The following SWAP70 variants were observed in gnomAD, a reference collection of about 807,000 sequenced individuals.
SWAP70 encodes switching B cell complex subunit SWAP70.
A neutral mutation model predicts 80.2 loss-of-function variants in SWAP70; 34 were observed. The observed-to-expected ratio is 0.42, with a 90% CI of 0.32 to 0.56. SWAP70 has a LOEUF of 0.56. SWAP70 is among the 20% of genes least tolerant of loss of function. SWAP70 has a pLI of 0.09. For synonymous variants in SWAP70, 239 were observed against 238.5 expected, an observed-to-expected ratio of 1.00 and a Z score of -0.02; for missense variants, 578 against 690.7, an observed-to-expected ratio of 0.84 and a Z score of 1.83.
chr11:9,703,383 C>G lies in SWAP70; in HGVS notation c.240+9097C>G, dbSNP rs111702609. ...TTTAGTGCAATCACGTTGGCCTTCT[C>G]TCTGTTCCCCAGATTACCAAGACCC... On this transcript the variant is annotated intron_variant, in intron 2 of 11. Transcript: ENST00000318950. 2,206 of 456,280 alleles carry G rather than the reference C, an allele frequency of 4.8e-3. 42 individuals are homozygous for G. Among genetic ancestry groups the G allele is most frequent in the African/African-American group, 0.04 (2,019 of 50,194 alleles). The allele number at this position is 456,280 out of a possible 1,614,324, so 28.3% of individuals were successfully genotyped here. A position where few individuals can be genotyped will look rare whatever the true frequency, so the allele number is the denominator to read the frequency against.
chr11:9,716,375 C>T (rs1401262411), intron 3 of SWAP70, among the ~76,000 whole-genome samples: 1 of 152,154 alleles, frequency 6.6e-6, no homozygotes, highest in Non-Finnish European at 1.5e-5. Flanking sequence ...GAAGCAGAGA[C>T]AAGTTTCAGG....
chr11:9,729,321 C>A, intron 5 of SWAP70, 22 bp from the exon 6 acceptor site: 3 of 1,479,858 alleles, frequency 2.0e-6, no homozygotes, highest in South Asian at 2.4e-5. Flanking sequence ...TTTTGAGGAA[C>A]TAATTTTGCT....
chr11:9,671,783 T>TAA lies in SWAP70; in HGVS notation c.99+7505_99+7506insAA, dbSNP rs1161349753. Reference sequence around the variant, plus strand: ...AAATATATAATATAAATATAATATATTATTATTTATAAATATATATAAATA... The same window carrying TAA: ...AAATATATAATATAAATATAATATATAATATTATTTATAAATATATATAAATA... On this transcript the variant is annotated intron_variant, in intron 1 of 11. Coordinates refer to ENST00000318950, the MANE Select transcript of SWAP70 (RefSeq NM_015055.4). Among the ~76,000 whole-genome samples the TAA allele has an allele frequency of 7.4e-4, 8 of 10,770 alleles. No individual in the cohort carries two copies. The Admixed American group carries it at 8.9e-3, about 12-fold the overall frequency. The allele number at this position is 10,770 out of a possible 152,430, so 7.1% of individuals were successfully genotyped here.
At chr11:9,721,973 A>G (rs968618527) in intron 3 of SWAP70, among the ~76,000 whole-genome samples, 2 of 152,278 alleles carry the variant, frequency 1.3e-5, no homozygotes, top group African/African-American at 2.4e-5. Context: ...ATAGTTGTCA[A>G]AATAATTACA....
At chr11:9,671,276 A>C (rs1472661915) in intron 1 of SWAP70, among the ~76,000 whole-genome samples, 2 of 99,250 alleles carry the variant, frequency 2.0e-5, no homozygotes, top group Non-Finnish European at 3.5e-5. Flanking sequence ...TATATTTATA[A>C]ATATAAATAT....
intron 1 of SWAP70, among the ~76,000 whole-genome samples, chr11:9,668,701 G>A (rs1342386329): frequency 6.6e-6 from 1 of 152,142 alleles, no homozygotes; most frequent in Non-Finnish European, 1.5e-5. Context: ...TCAAATAATT[G>A]ATTTGTTAAA....
chr11:9,694,673 A>AAAG (rs1161166981), intron 2 of SWAP70, among the ~76,000 whole-genome samples: 1 of 152,248 alleles, frequency 6.6e-6, no homozygotes, highest in African/African-American at 2.4e-5. Context: ...ACACTTCTCA[A>AAAG]AAGAAGACAT....
chr11:9,671,005 G>A (rs952431045), intron 1 of SWAP70, among the ~76,000 whole-genome samples: 18 of 149,138 alleles, frequency 1.2e-4, no homozygotes, highest in African/African-American at 4.2e-4. Flanking sequence ...CACCCACCTC[G>A]GCCTCCCAAA....
At chr11:9,721,774 G>C (rs901988660) in intron 3 of SWAP70, among the ~76,000 whole-genome samples, 1 of 151,892 alleles carries the variant, frequency 6.6e-6, no homozygotes, top group African/African-American at 2.4e-5. Context: ...GGCTTCTCTT[G>C]ATATTTTTTG....
rs551064755 is a variant in SWAP70, at chr11:9,749,990, C to T, written c.*20C>T. On this transcript the variant is annotated 3_prime_UTR_variant, in exon 12 of 12. Coordinates refer to ENST00000318950, the MANE Select transcript of SWAP70 (RefSeq NM_015055.4). ...GAGTGACTGAGCTTGCTGGCAGTCACGTCAGTTATGTAGATACTGCATGGC... is the reference window on the plus strand; with the variant it reads ...GAGTGACTGAGCTTGCTGGCAGTCATGTCAGTTATGTAGATACTGCATGGC... The T allele has an allele frequency of 1.0e-4, 157 of 1,529,904 alleles. No homozygotes were observed. Among genetic ancestry groups the T allele is most frequent in the South Asian group, 2.7e-4 (24 of 89,330 alleles). The allele number at this position is 1,529,904 out of a possible 1,614,324, so 94.8% of individuals were successfully genotyped here.
intron 6 of SWAP70, among the ~76,000 whole-genome samples, chr11:9,731,854 C>T (rs938211076): frequency 2.0e-5 from 3 of 152,158 alleles, no homozygotes; most frequent in East Asian, 1.9e-4. Flanking sequence ...GGGAGACTTT[C>T]CTGTGTGTCT....
intron 1 of SWAP70, among the ~76,000 whole-genome samples, chr11:9,685,881 C>T (rs923475275): frequency 2.0e-5 from 3 of 152,054 alleles, no homozygotes; most frequent in African/African-American, 7.2e-5. Flanking sequence ...ATCTACCTTC[C>T]TTGGCCTCCT....
intron 1 of SWAP70, among the ~76,000 whole-genome samples, chr11:9,672,956 C>T (rs1293555888): frequency 6.6e-6 from 1 of 152,140 alleles, no homozygotes; most frequent in Non-Finnish European, 1.5e-5. Flanking sequence ...TCTCTGCTCT[C>T]ACACCACAAT....
At chr11:9,672,900 T>C (rs533675619) in intron 1 of SWAP70, among the ~76,000 whole-genome samples, 1 of 152,148 alleles carries the variant, frequency 6.6e-6, no homozygotes, top group African/African-American at 2.4e-5. Flanking sequence ...TAATTAGATA[T>C]CATTTTAATA....
intron 3 of SWAP70, among the ~76,000 whole-genome samples, chr11:9,716,738 A>C (rs1016530226): frequency 6.6e-6 from 1 of 152,144 alleles, no homozygotes; most frequent in African/African-American, 2.4e-5. Flanking sequence ...ATCCTTGTGG[A>C]GCTGTGCACT....
intron 1 of SWAP70, among the ~76,000 whole-genome samples, chr11:9,691,629 CATA>C (rs1426172361): frequency 6.6e-6 from 1 of 152,220 alleles, no homozygotes; most frequent in East Asian, 1.9e-4. Context: ...CAACTGAAGA[CATA>C]ATGTTTCTTA....
At chr11:9,697,785 T>G (rs534698633) in intron 2 of SWAP70, among the ~76,000 whole-genome samples, 11 of 152,272 alleles carry the variant, frequency 7.2e-5, no homozygotes, top group Middle Eastern at 3.4e-3. Flanking sequence ...GTTATACATG[T>G]TTTTTGGTTT....
At chr11:9,727,679 C>T (rs557059858) in intron 4 of SWAP70, among the ~76,000 whole-genome samples, 3 of 152,288 alleles carry the variant, frequency 2.0e-5, no homozygotes, top group African/African-American at 7.2e-5. Context: ...TTTTACCTCT[C>T]CTGTATTATT....
intron 1 of SWAP70, 64 bp from the exon 2 acceptor site, chr11:9,694,082 T>G: frequency 6.7e-7 from 1 of 1,483,960 alleles, no homozygotes; most frequent in Admixed American, 2.3e-5. Flanking sequence ...CATGTTGTAC[T>G]CATGGTGAAG....
Sources: allele counts gnomAD v4.1 joint callset (sites outside exome capture counted in the v4.1 genomes callset), GRCh38; gene constraint gnomAD v4.1.1; transcripts MANE v1.5; gene names NCBI Gene and HGNC (gene_info 2026-07-23, HGNC 2026-07-21).